Variants in DENND6B observed in about 807,000 individuals in gnomAD.
The protein encoded by DENND6B is protein DENND6B.
In DENND6B, 73 loss-of-function variants were observed where a neutral mutation model predicts 85.1. The ratio of observed to expected loss-of-function variants is 0.86; its 90% CI spans 0.71 to 1.04. The LOEUF (loss-of-function observed/expected upper bound fraction) is 1.04. Among genes scored for constraint, DENND6B ranks in the 50% least tolerant of loss-of-function variants. DENND6B has a pLI of 0.00. For missense variants in DENND6B, 715 were observed against 785.8 expected, an observed-to-expected ratio of 0.91 and a Z score of 1.08; for synonymous variants, 357 against 329.3, an observed-to-expected ratio of 1.08 and a Z score of -0.91.
At chr22:50,312,868 T>C in intron 17 of DENND6B, 131 bp downstream of exon 17, 1 of 227,028 alleles carries the variant, frequency 4.4e-6, no homozygotes, top group South Asian at 4.9e-5. Flanking sequence ...CGGGGGGCCA[T>C]GGGGCTGACC....
Position 50,314,231 on chromosome 22 carries a change from A to G in DENND6B, c.1114T>C (p.Leu372=), listed in dbSNP as rs1243178541. The G allele has an allele frequency of 8.1e-6, 13 of 1,608,524 alleles. No homozygotes were observed. The highest frequency in any genetic ancestry group is 2.2e-5 in the South Asian group (2 of 91,032). ...CCTGGCTTGGTGTCCAGGGTCTTCA[A>G]CCTTGAAGGCTTTTTCAGCTTGACT... ...KQVKLKKPSR[L]KTLDTKPGLY... is the part of the protein sequence containing the mutation. The change falls in exon 13 of 20, where the codon TTG becomes CTG. Residue 372 remains leucine (L), a synonymous_variant. Coordinates refer to ENST00000413817, the MANE Select transcript of DENND6B (RefSeq NM_001001794.4).
rs1170239464 is a variant in DENND6B at position 50,316,398 on chromosome 22, A to T, written c.531T>A (p.Phe177Leu). The change falls in exon 6 of 20, where the codon TTT (phenylalanine) becomes TTA (leucine). Residue 177 changes from phenylalanine to leucine, a missense_variant. Coordinates refer to ENST00000413817, the MANE Select transcript of DENND6B (RefSeq NM_001001794.4). ...ALLSLIAPEY[F>L]DKLAPCLEAV... ...CTTCCAGGCAGGGCGCCAGCTTGTC[A>T]AAGTACTCGGGGGCGATGAGGCTTA... The T allele has an allele frequency of 6.3e-7, 1 of 1,583,798 alleles. No individual in the cohort carries two copies. The highest frequency in any genetic ancestry group is 1.4e-5 in the African/African-American group (1 of 74,056).
At chr22:50,325,832 C>T (rs2042174654) in intron 1 of DENND6B, among the ~76,000 whole-genome samples, 1 of 152,202 alleles carries the variant, frequency 6.6e-6, no homozygotes, top group African/African-American at 2.4e-5. Context: ...AGAGTTAATG[C>T]TTTTCTGTTT....
chr22:50,318,139 C>T (rs1053455782), intron 3 of DENND6B, 119 bp from the exon 4 acceptor site: 5 of 943,178 alleles, frequency 5.3e-6, no homozygotes, highest in Non-Finnish European at 7.8e-6. Flanking sequence ...AAATATACCC[C>T]AGAAACCAGC....
chr22:50,317,183 G>T, intron 5 of DENND6B, 110 bp downstream of exon 5: 1 of 1,155,722 alleles, frequency 8.7e-7, no homozygotes, highest in African/African-American at 1.6e-5. Flanking sequence ...GCTGCAGGAG[G>T]GGTGGGCACT....
At position 50,311,679 on chromosome 22, in the gene DENND6B, T is replaced by C. The variant is rs955977189; in HGVS notation, c.*460A>G. On this transcript the variant is annotated 3_prime_UTR_variant, in exon 20 of 20. Coordinates refer to ENST00000413817, the MANE Select transcript of DENND6B (RefSeq NM_001001794.4). ...TCCCTTTCTCAAGTTGATGACTATA[T>C]GCAAAATAGCCTCCCATCCCCAGAC... The C allele has an allele frequency of 1.1e-5, 2 of 185,516 alleles. No individual in the cohort carries two copies. The highest frequency in any genetic ancestry group is 2.4e-5 in the African/African-American group (1 of 42,320). 11.5% of individuals were successfully genotyped at this position (185,516 alleles called of 1,614,324 possible).
rs2068079344 is a variant in DENND6B at position 50,312,434 on chromosome 22, G to A, written c.1561-17C>T. On this transcript the variant is annotated splice_polypyrimidine_tract_variant and intron_variant, in intron 18 of 19. Transcript: ENST00000413817. Reference sequence around the variant, plus strand: ...CTCGATGTTCTGCAGGGCAAGACGGGGTCTACTGTCAGCAAGGCCCCTCAC... The same window carrying A: ...CTCGATGTTCTGCAGGGCAAGACGGAGTCTACTGTCAGCAAGGCCCCTCAC... 6.2e-7 allele frequency: 1 copy of A among 1,607,362 alleles called. No homozygotes were observed. The highest frequency in any genetic ancestry group is 1.3e-5 in the African/African-American group (1 of 74,950).
intron 1 of DENND6B, among the ~76,000 whole-genome samples, chr22:50,319,775 G>A (rs558157008): frequency 2.0e-5 from 3 of 152,272 alleles, no homozygotes; most frequent in Non-Finnish European, 2.9e-5. Context: ...CCCTCTCCCC[G>A]TCCTGCTCAG....
chr22:50,312,525 C>A lies in DENND6B; in HGVS notation c.1558G>T (p.Ala520Ser). The change falls in exon 18 of 20, where the codon GCG (alanine) becomes TCG (serine). Residue 520 changes from alanine to serine, a missense_variant and splice_region_variant. Coordinates refer to ENST00000413817, the MANE Select transcript of DENND6B (RefSeq NM_001001794.4). ...EALHLEAICEANIETWMKDKS... is the reference protein window; with the variant it reads ...EALHLEAICESNIETWMKDKS... ...CCCCAACCCCCAGCCTCTCTCACCG[C>A]CTCACAGATAGCCTCCAGGTGCAGG... 1 of 1,586,172 alleles carries A rather than the reference C, an allele frequency of 6.3e-7. No homozygotes were observed. Among genetic ancestry groups the A allele is most frequent in the Non-Finnish European group, 8.6e-7 (1 of 1,167,116 alleles).
In DENND6B at chr22:50,312,253, A is replaced by C. The variant is rs1220542149; in HGVS notation, c.1644T>G (p.Ala548=). 6.2e-7 allele frequency: 1 copy of C among 1,612,006 alleles called. No homozygotes were observed. Among genetic ancestry groups the C allele is most frequent in the South Asian group, 1.1e-5 (1 of 90,952 alleles). Reference sequence around the variant, plus strand: ...CCTTCACAGGGAGCTGGTGGCCCTGAGCCCGCACCTGGAGGGGCAGCCATG... The same window carrying C: ...CCTTCACAGGGAGCTGGTGGCCCTGCGCCCGCACCTGGAGGGGCAGCCATG... The part of the protein sequence containing the change: ...VLKLREKLVR[A]QGHQLPVKEA... Residue 548 remains alanine (A), a synonymous_variant, in exon 20 of 20, where the codon GCT becomes GCG. Coordinates refer to ENST00000413817, the MANE Select transcript of DENND6B (RefSeq NM_001001794.4).
intron 13 of DENND6B, 105 bp from the exon 14 acceptor site, chr22:50,313,983 C>T: frequency 7.1e-7 from 1 of 1,408,616 alleles, no homozygotes; most frequent in Non-Finnish European, 9.4e-7. Flanking sequence ...GCCTGCAGCC[C>T]CATGCCCTTG....
chr22:50,317,278 G>A lies in DENND6B; in HGVS notation c.453+15C>T, dbSNP rs756213859. 6.2e-7 allele frequency: 1 copy of A among 1,612,166 alleles called. No homozygotes were observed. The highest frequency in any genetic ancestry group is 8.5e-7 in the Non-Finnish European group (1 of 1,179,424). ...CGCTCTTGAGGTGCCAGCCCAGAGT[G>A]GCCAAGCAGCGCACCTTCTGGAAGT... On this transcript the variant is annotated intron_variant, in intron 5 of 19. Transcript: ENST00000413817.
chr22:50,317,053 C>T (rs1480332635), intron 5 of DENND6B: 3 of 184,534 alleles, frequency 1.6e-5, no homozygotes, highest in Admixed American at 1.6e-4. Flanking sequence ...GGCGGGGGGC[C>T]GCGAGGACAG....
In DENND6B at chr22:50,311,616, G is replaced by T. The variant is rs141191561; in HGVS notation, c.*523C>A. On this transcript the variant is annotated 3_prime_UTR_variant, in exon 20 of 20. Coordinates refer to ENST00000413817, the MANE Select transcript of DENND6B (RefSeq NM_001001794.4). ...GGTGGGTGTCCAGAGGAGCACCAGG[G>T]GTGGTGAGCAGAGCTCTTCACACTG... is the stretch of plus-strand genomic sequence containing the variant. 2.1e-3 allele frequency: 329 copies of T among 158,706 alleles called. 1 individual carries two copies. Among genetic ancestry groups the T allele is most frequent in the African/African-American group, 7.6e-3 (317 of 41,650 alleles). 9.8% of individuals were successfully genotyped at this position (158,706 alleles called of 1,614,324 possible).
In DENND6B at chr22:50,314,208, T is replaced by C. The variant is rs780210515; in HGVS notation, c.1137A>G (p.Pro379=). The C allele has an allele frequency of 1.2e-6, 2 of 1,603,988 alleles. No homozygotes were observed. The highest frequency in any genetic ancestry group is 8.5e-7 in the Non-Finnish European group (1 of 1,177,990). ...CTCCAGGTCGAGGGGAGCACAGACC[T>C]GGCTTGGTGTCCAGGGTCTTCAACC... ...PSRLKTLDTK[P]GLYTAYTAHL... Residue 379 remains proline, a splice_region_variant and synonymous_variant, in exon 13 of 20, where the codon CCA becomes CCG. Coordinates refer to ENST00000413817, the MANE Select transcript of DENND6B (RefSeq NM_001001794.4).
In DENND6B at chr22:50,312,424, G is replaced by A. The variant is rs1360741568; in HGVS notation, c.1561-7C>T. 6.2e-7 allele frequency: 1 copy of A among 1,609,072 alleles called. No homozygotes were observed. The highest frequency in any genetic ancestry group is 8.5e-7 in the Non-Finnish European group (1 of 1,178,218). ...TCATCCAGGTCTCGATGTTCTGCAG[G>A]GCAAGACGGGGTCTACTGTCAGCAA... On this transcript the variant is annotated splice_region_variant and splice_polypyrimidine_tract_variant and intron_variant, in intron 18 of 19. Coordinates refer to ENST00000413817, the MANE Select transcript of DENND6B (RefSeq NM_001001794.4).
In DENND6B at chr22:50,314,894, C is replaced by T; in HGVS notation, c.786G>A (p.Met262Ile). 6.2e-7 allele frequency: 1 copy of T among 1,612,268 alleles called. No homozygotes were observed. Among genetic ancestry groups the T allele is most frequent in the Non-Finnish European group, 8.5e-7 (1 of 1,179,588 alleles). Residue 262 changes from methionine (M) to isoleucine (I), a missense_variant, in exon 10 of 20, where the codon ATG (methionine) becomes ATA (isoleucine). By Grantham distance (10) the Met-to-Ile change is conservative. Coordinates refer to ENST00000413817, the MANE Select transcript of DENND6B (RefSeq NM_001001794.4). ...GGAGCATGAGCTCCCACAGTGTCTG[C>T]ATATGAGTCAGCACAGGCCGGAAGC... The part of the protein sequence containing the change: ...FRCFRPVLTH[M>I]QTLWELMLLG...
Position 50,317,943 on chromosome 22 carries a change from TGTC to T in DENND6B, c.334_336del (p.Asp112del). 6.2e-7 allele frequency: 1 copy of T among 1,610,948 alleles called. No homozygotes were observed. The highest frequency in any genetic ancestry group is 8.5e-7 in the Non-Finnish European group (1 of 1,179,518). On this transcript the variant is annotated inframe_deletion, in exon 4 of 20. Coordinates refer to ENST00000413817, the MANE Select transcript of DENND6B (RefSeq NM_001001794.4). Reference sequence around the variant, plus strand: ...ACAGGGGCCCTGCTGTTGTAGTGCCTGTCGTCGGCATGCCAGGGGCTCCTCTGC... The same window carrying T: ...ACAGGGGCCCTGCTGTTGTAGTGCCTGTCGGCATGCCAGGGGCTCCTCTGC...
chr22:50,325,334 C>CTTTT (rs67536916), intron 1 of DENND6B, among the ~76,000 whole-genome samples: 5 of 123,720 alleles, frequency 4.0e-5, no homozygotes, highest in South Asian at 2.5e-4. Flanking sequence ...GAGGAACCTC[C>CTTTT]TTTTTTTTTT....
Sources: allele counts gnomAD v4.1 joint callset (sites outside exome capture counted in the v4.1 genomes callset), GRCh38; gene constraint gnomAD v4.1.1; transcripts MANE v1.5; gene names NCBI Gene and HGNC (gene_info 2026-07-23, HGNC 2026-07-21).